Variants in TRMT2B observed in about 807,000 individuals in gnomAD.
TRMT2B encodes tRNA (uracil-5-)-methyltransferase homolog B.
A neutral mutation model predicts 39.7 loss-of-function variants in TRMT2B; 34 were observed. That is an observed-to-expected ratio of 0.86 (90% CI 0.65 to 1.14). The LOEUF is 1.14. Among genes scored for constraint, TRMT2B ranks in the 50% most tolerant of loss-of-function variants. The pLI, the probability that TRMT2B is intolerant of heterozygous loss-of-function variation, is 0.00. For missense variants in TRMT2B, 318 were observed against 377.2 expected, an observed-to-expected ratio of 0.84 and a Z score of 1.30; for synonymous variants, 132 against 137.3, an observed-to-expected ratio of 0.96 and a Z score of 0.27.
intron 4 of TRMT2B, 46 bp from the exon 5 acceptor site, chrX:101,038,097 G>A (rs1156404740): frequency 4.3e-6 from 5 of 1,174,220 alleles, no homozygotes; most frequent in Admixed American, 4.5e-5. Flanking sequence ...GCTGGGCACG[G>A]TGGCTCACGC....
chrX:100,988,503 T>C, the TRMT2B span: 14 of 1,171,937 alleles, frequency 1.2e-5, no homozygotes, highest in South Asian at 1.7e-4. Flanking sequence ...TTTGCTACAA[T>C]TGAAGGAGTG....
the TRMT2B span, chrX:100,985,738 T>C: frequency 8.3e-7 from 1 of 1,210,992 alleles, no homozygotes; most frequent in South Asian, 1.8e-5. Flanking sequence ...GTATGAACTT[T>C]CCATCTATGA....
intron 2 of TRMT2B, among the ~76,000 whole-genome samples, chrX:101,047,302 A>T (rs2088745318): frequency 9.0e-6 from 1 of 111,665 alleles, no homozygotes; most frequent in Non-Finnish European, 1.9e-5. Context: ...ATCTTCAGTA[A>T]GCATTACTAG....
At chrX:100,992,583 A>G in the TRMT2B span, among the ~76,000 whole-genome samples, 47 of 111,696 alleles carry the variant, frequency 4.2e-4, no homozygotes, top group African/African-American at 1.5e-3. Flanking sequence ...TCGGTCTCAA[A>G]AAAAAAATGT....
At chrX:101,027,591 T>C (rs1293960285) in intron 7 of TRMT2B, among the ~76,000 whole-genome samples, 1 of 107,987 alleles carries the variant, frequency 9.3e-6, no homozygotes, top group Non-Finnish European at 1.9e-5. Flanking sequence ...TGGTTCTTCC[T>C]CTTCTTCCAA....
chrX:100,978,448 TATA>T, the TRMT2B span, among the ~76,000 whole-genome samples: 4 of 111,930 alleles, frequency 3.6e-5, no homozygotes, highest in Non-Finnish European at 5.6e-5. Context: ...CTTATCATTA[TATA>T]ATGACATTCT....
rs7892726 is a variant in TRMT2B, at chrX:101,039,304, C to T, written c.304-1253G>A. Reference sequence around the variant, plus strand: ...CCAGGATGGTCTCGGATCTCCTGACCTCATGATCTGCCCGCCTCAGCCTTC... The same window carrying T: ...CCAGGATGGTCTCGGATCTCCTGACTTCATGATCTGCCCGCCTCAGCCTTC... On this transcript the variant is annotated intron_variant, in intron 4 of 13. Transcript: ENST00000372936. Among the ~76,000 whole-genome samples, 576 of 110,163 alleles carry T rather than the reference C, an allele frequency of 5.2e-3. 3 individuals carry two copies. Among genetic ancestry groups the T allele is most frequent in the African/African-American group, 0.018 (542 of 30,280 alleles).
chrX:100,985,541 C>A, the TRMT2B span: 3 of 775,561 alleles, frequency 3.9e-6, no homozygotes, highest in South Asian at 3.2e-5. Flanking sequence ...TTCCTCTCTT[C>A]CCCTCTGCAT....
Position 101,051,316 on chromosome X carries a change from C to G in TRMT2B, c.-89G>C. On this transcript the variant is annotated 5_prime_UTR_variant, in exon 2 of 14. Transcript: ENST00000372936. ...CCCACCGACAAGGGTCCTGCTTGCA[C>G]TCTCTGCTCACCCTTCCTTCAGCTG... 1 of 754,254 alleles carries G rather than the reference C, an allele frequency of 1.3e-6. No homozygotes were observed. Among genetic ancestry groups the G allele is most frequent in the Non-Finnish European group, 1.6e-6 (1 of 639,439 alleles). The allele number at this position is 754,254 out of a possible 1,213,427, so 62.2% of individuals were successfully genotyped here.
chrX:100,975,926 G>A, the TRMT2B span, among the ~76,000 whole-genome samples: 1 of 110,712 alleles, frequency 9.0e-6, no homozygotes, highest in African/African-American at 3.3e-5. Context: ...GAGCCACTGC[G>A]CCCGGCGACA....
At chrX:101,046,926 C>T (rs1489409205) in intron 2 of TRMT2B, among the ~76,000 whole-genome samples, 1 of 108,071 alleles carries the variant, frequency 9.3e-6, no homozygotes, top group African/African-American at 3.4e-5. Flanking sequence ...AACTCCGTCC[C>T]CCCAGCAAAA....
chrX:101,003,676 A>G, the TRMT2B span, among the ~76,000 whole-genome samples: 4 of 111,899 alleles, frequency 3.6e-5, no homozygotes, highest in Non-Finnish European at 7.5e-5. Flanking sequence ...CTTATTAATT[A>G]CAAAGAGGAA....
At chrX:100,992,686 T>C in the TRMT2B span, among the ~76,000 whole-genome samples, 1 of 112,083 alleles carries the variant, frequency 8.9e-6, no homozygotes, top group South Asian at 3.8e-4. Context: ...AGCACTTCCA[T>C]TTTGCCAGGT....
At chrX:101,038,117 C>A in intron 4 of TRMT2B, 66 bp from the exon 5 acceptor site, 3 of 1,087,177 alleles carry the variant, frequency 2.8e-6, no homozygotes, top group Non-Finnish European at 3.8e-6. Context: ...CCTGTAATCC[C>A]AGCACTTTGG....
the TRMT2B span, among the ~76,000 whole-genome samples, chrX:100,986,440 A>G: frequency 1.9e-4 from 21 of 111,785 alleles, no homozygotes; most frequent in Admixed American, 1.8e-3. Flanking sequence ...CTCATTAGCA[A>G]CCCCAACTAG....
the TRMT2B span, among the ~76,000 whole-genome samples, chrX:101,000,267 CCCA>C: frequency 2.8e-5 from 3 of 109,088 alleles, no homozygotes; most frequent in Admixed American, 9.9e-5. Flanking sequence ...ACTACAGGCG[CCCA>C]CCACCGTGCC....
rs145089500 is a variant in TRMT2B at position 101,021,167 on chromosome X, G to C, written c.1000C>G (p.Arg334Gly). 1 of 1,211,343 alleles carries C rather than the reference G, an allele frequency of 8.3e-7. No homozygotes were observed. Among genetic ancestry groups the C allele is most frequent in the Non-Finnish European group, 1.1e-6 (1 of 895,317 alleles). The change falls in exon 10 of 14, where the codon CGG (arginine) becomes GGG (glycine). Residue 334 changes from arginine (R) to glycine (G), a missense_variant. Physicochemically the swap from Arg to Gly is moderately radical, Grantham distance 125. Transcript: ENST00000372936. ...ACTCCAGTCAGCTCCCCCACAGTCCGATACAGCATCTCTGCACCAGCTGTG... is the reference window on the plus strand; with the variant it reads ...ACTCCAGTCAGCTCCCCCACAGTCCCATACAGCATCTCTGCACCAGCTGTG... ...INTAGAEMLY[R>G]TVGELTGVNS...
intron 4 of TRMT2B, among the ~76,000 whole-genome samples, chrX:101,041,061 G>C (rs1380696955): frequency 9.0e-6 from 1 of 110,911 alleles, no homozygotes; most frequent in Non-Finnish European, 1.9e-5. Context: ...AAAATTAGCT[G>C]GGCATGGTGG....
chrX:101,049,380 A>G (rs1246568543), intron 2 of TRMT2B, among the ~76,000 whole-genome samples: 1 of 105,991 alleles, frequency 9.4e-6, no homozygotes, highest in Non-Finnish European at 1.9e-5. Context: ...CTGTAGTCCT[A>G]GCTACTTAGG....
Sources: allele counts gnomAD v4.1 joint callset (sites outside exome capture counted in the v4.1 genomes callset), GRCh38; gene constraint gnomAD v4.1.1; transcripts MANE v1.5; gene names NCBI Gene and HGNC (gene_info 2026-07-23, HGNC 2026-07-21).